The following PLCG2 variants were observed in gnomAD, a reference collection of about 807,000 sequenced individuals.
PLCG2 encodes phospholipase C gamma 2.
PLCG2 carries 69 observed loss-of-function variants against 175.6 expected under a neutral mutation model. The observed-to-expected ratio is 0.39, with a 90% CI of 0.32 to 0.48. The LOEUF is 0.48. PLCG2 is among the 20% of genes least tolerant of loss of function. The pLI, the probability that PLCG2 is intolerant of heterozygous loss-of-function variation, is 0.91. For missense variants in PLCG2, 1,798 were observed against 1,650.9 expected (o/e 1.09, Z -1.54); for synonymous variants, 827 against 624.0 (o/e 1.33, Z -4.85).
chr16:81,865,407 G>T (rs1047488206), intron 5 of PLCG2, among the ~76,000 whole-genome samples: 5 of 152,128 alleles, frequency 3.3e-5, no homozygotes, highest in African/African-American at 1.2e-4. Context: ...GGGAGAAAGC[G>T]GGTGAGGCTG....
intron 16 of PLCG2, 116 bp downstream of exon 16, chr16:81,907,890 C>A (rs902653852): frequency 2.9e-6 from 2 of 683,674 alleles, no homozygotes; most frequent in African/African-American, 3.6e-5. Flanking sequence ...GGGGATGCTC[C>A]GCTGAAGAAG....
chr16:81,919,685 T>A, intron 20 of PLCG2, 21 bp downstream of exon 20: 1 of 1,598,304 alleles, frequency 6.3e-7, no homozygotes, highest in Non-Finnish European at 8.6e-7. Context: ...GACTCCCTTG[T>A]GATTTGGTGG....
intron 1 of PLCG2, among the ~76,000 whole-genome samples, chr16:81,745,874 C>T (rs923139397): frequency 2.0e-5 from 3 of 152,182 alleles, no homozygotes; most frequent in Non-Finnish European, 2.9e-5. Flanking sequence ...CCGAGTTCAG[C>T]GGCCAGACGT....
chr16:81,827,693 C>T (rs1323899285), intron 2 of PLCG2, among the ~76,000 whole-genome samples: 1 of 152,046 alleles, frequency 6.6e-6, no homozygotes, highest in Non-Finnish European at 1.5e-5. Flanking sequence ...GCATGTGTGC[C>T]TGGTGTAAAG....
At chr16:81,888,400 G>C (rs1194250888) in intron 9 of PLCG2, among the ~76,000 whole-genome samples, 2 of 151,074 alleles carry the variant, frequency 1.3e-5, no homozygotes, top group African/African-American at 4.8e-5. Context: ...AAAAATGTTT[G>C]TATTTTAGTA....
At chr16:81,894,665 G>C (rs1908797262) in intron 12 of PLCG2, among the ~76,000 whole-genome samples, 1 of 152,160 alleles carries the variant, frequency 6.6e-6, no homozygotes, top group Non-Finnish European at 1.5e-5. Context: ...TTGAGATCAG[G>C]AGCTTGAGAT....
intron 10 of PLCG2, among the ~76,000 whole-genome samples, chr16:81,889,988 G>C (rs972968692): frequency 6.6e-6 from 1 of 151,954 alleles, no homozygotes; most frequent in South Asian, 2.1e-4. Context: ...ATTGTTTGGC[G>C]GGCCAGGGAA....
At chr16:81,787,121 G>A (rs1911005027) in intron 2 of PLCG2, among the ~76,000 whole-genome samples, 1 of 152,172 alleles carries the variant, frequency 6.6e-6, no homozygotes, top group African/African-American at 2.4e-5. Flanking sequence ...AATGGCACAG[G>A]CCTCAATGTA....
chr16:81,904,889 C>G (rs186237721), intron 14 of PLCG2, among the ~76,000 whole-genome samples: 2 of 151,950 alleles, frequency 1.3e-5, no homozygotes, highest in East Asian at 3.9e-4. Flanking sequence ...GCTATTTTTA[C>G]TTATTTATTT....
chr16:81,856,539 T>C (rs1479514375), intron 3 of PLCG2, among the ~76,000 whole-genome samples: 1 of 152,222 alleles, frequency 6.6e-6, no homozygotes, highest in Non-Finnish European at 1.5e-5. Flanking sequence ...TGTGCCATCT[T>C]GATTAGAAGC....
At chr16:81,808,979 G>A (rs1281357962) in intron 2 of PLCG2, among the ~76,000 whole-genome samples, 1 of 152,212 alleles carries the variant, frequency 6.6e-6, no homozygotes, top group South Asian at 2.1e-4. Flanking sequence ...GAGGTTGGTG[G>A]TGTCTACCAG....
At chr16:81,754,349 C>CCTCCT (rs1909876451) in intron 1 of PLCG2, among the ~76,000 whole-genome samples, 1 of 71,330 alleles carries the variant, frequency 1.4e-5, no homozygotes, top group Non-Finnish European at 2.8e-5. Context: ...CCCATCCCCA[C>CCTCCT]CTCCTCCCCT....
At chr16:81,813,525 T>C (rs4889399) in intron 2 of PLCG2, among the ~76,000 whole-genome samples, 151,572 of 152,314 alleles carry the variant, frequency 1, 75,418 homozygotes, top group East Asian at 1. Context: ...TTTTGTATCC[T>C]GAGACTCTGC....
intron 2 of PLCG2, among the ~76,000 whole-genome samples, chr16:81,796,294 G>A (rs891427893): frequency 6.6e-6 from 1 of 152,236 alleles, no homozygotes; most frequent in African/African-American, 2.4e-5. Context: ...TTCTGTTGCT[G>A]CCACATCAGT....
intron 2 of PLCG2, chr16:81,766,688 G>A (rs894610417): frequency 6.6e-6 from 1 of 152,234 alleles, no homozygotes; most frequent in African/African-American, 2.4e-5. Flanking sequence ...TCGGTATTTT[G>A]TCTTTTTTTC....
intron 27 of PLCG2, 110 bp from the exon 28 acceptor site, chr16:81,937,648 C>T (rs1910769152): frequency 1.1e-6 from 1 of 905,496 alleles, no homozygotes; most frequent in Non-Finnish European, 1.7e-6. Context: ...ACAGCTGCCT[C>T]ACATTAATTT....
At chr16:81,836,057 G>T (rs888563697) in intron 2 of PLCG2, among the ~76,000 whole-genome samples, 1 of 152,142 alleles carries the variant, frequency 6.6e-6, no homozygotes, top group African/African-American at 2.4e-5. Flanking sequence ...GTATGTTTTT[G>T]GGGGATGCAG....
In PLCG2 at chr16:81,789,853, C is replaced by G. The variant is rs559901739; in HGVS notation, c.193+3671C>G. On this transcript the variant is annotated intron_variant, in intron 2 of 32. Coordinates refer to ENST00000564138, the MANE Select transcript of PLCG2 (RefSeq NM_002661.5). ...TTCCCTTCCCACCTTTGCCCCCCCT[C>G]CATTGCCTCCCCTCTGTCATTTGGA... is the stretch of plus-strand genomic sequence containing the variant. 1.6e-4 allele frequency among the ~76,000 whole-genome samples: 24 copies of G among 146,756 alleles called. No homozygotes were observed. The South Asian group carries it at 4.6e-3, about 28-fold the overall frequency.
At chr16:81,780,870 T>G (rs1910697904) in intron 1 of PLCG2, among the ~76,000 whole-genome samples, 1 of 152,024 alleles carries the variant, frequency 6.6e-6, no homozygotes, top group Admixed American at 6.6e-5. Flanking sequence ...CTACTAAAAC[T>G]ACAAAAATTA....
Sources: gnomAD v4.1 joint callset for allele counts (sites outside exome capture counted in the v4.1 genomes callset) on GRCh38, gnomAD v4.1.1 for gene constraint, MANE v1.5 for transcripts, NCBI Gene and HGNC (gene_info 2026-07-23, HGNC 2026-07-21) for gene names.